Variants in MCTP2 observed in about 807,000 individuals in gnomAD.
MCTP2 encodes the protein multiple C2 and transmembrane domain containing 2.
MCTP2 carries 132 observed loss-of-function variants against 111.6 expected under a neutral mutation model. The observed-to-expected ratio is 1.18, with a 90% CI of 1.03 to 1.37. MCTP2 has a LOEUF of 1.37. Among genes scored for constraint, MCTP2 ranks in the 40% most tolerant of loss-of-function variants. The probability of loss-of-function intolerance (pLI) is 0.00; values close to 1 mark genes in which losing one functional copy is unlikely to be tolerated. For synonymous variants in MCTP2, 395 were observed against 387.7 expected (o/e 1.02, Z -0.22); for missense variants, 1,183 against 1,067.9 (o/e 1.11, Z -1.50).
chr15:94,300,105 T>C (rs2075530396), intron 2 of MCTP2, among the ~76,000 whole-genome samples: 1 of 152,190 alleles, frequency 6.6e-6, no homozygotes, highest in Non-Finnish European at 1.5e-5. Context: ...TCTTCGTCTT[T>C]TTTTTTCCTG....
At chr15:94,245,201 T>C (rs1213574598) in intron 1 of MCTP2, among the ~76,000 whole-genome samples, 2 of 143,306 alleles carry the variant, frequency 1.4e-5, no homozygotes, top group East Asian at 4.3e-4. Context: ...TATGTATGTA[T>C]ATATTTATAC....
chr15:94,298,563 G>A lies in MCTP2; in HGVS notation c.298G>A (p.Glu100Lys). Residue 100 changes from glutamate (E) to lysine (K), a missense_variant, in exon 2 of 23, where the codon GAA becomes AAA. Glu to Lys is a moderately conservative substitution (Grantham distance 56, BLOSUM62 1). Transcript: ENST00000357742. ...CAGCAGTAGCTCCTTGAAACAGTCT[G>A]AAGAAGAATTGGATTGGAGCCAGGA... Reference protein sequence around the residue: ...KSSSSSLKQSEEELDWSQEEA... With the variant: ...KSSSSSLKQSKEELDWSQEEA... The A allele has an allele frequency of 6.2e-7, 1 of 1,614,118 alleles. No homozygotes were observed. Among genetic ancestry groups the A allele is most frequent in the Non-Finnish European group, 8.5e-7 (1 of 1,180,006 alleles).
chr15:94,349,441 G>A (rs756687434), intron 8 of MCTP2, among the ~76,000 whole-genome samples: 2 of 152,138 alleles, frequency 1.3e-5, no homozygotes, highest in African/African-American at 2.4e-5. Flanking sequence ...TTGATGAGCA[G>A]GTAAGAGAAA....
intron 4 of MCTP2, among the ~76,000 whole-genome samples, chr15:94,333,885 G>C (rs375967866): frequency 7.4e-4 from 112 of 152,272 alleles, no homozygotes; most frequent in African/African-American, 2.6e-3. Flanking sequence ...TTATAGAAAT[G>C]TTCCCAAATC....
At chr15:94,416,400 G>C (rs1184127740) in intron 17 of MCTP2, among the ~76,000 whole-genome samples, 1 of 152,068 alleles carries the variant, frequency 6.6e-6, no homozygotes, top group African/African-American at 2.4e-5. Flanking sequence ...CAGATGACGG[G>C]AACAATTGCT....
At chr15:94,245,307 T>C (rs111208067) in intron 1 of MCTP2, among the ~76,000 whole-genome samples, 4 of 142,362 alleles carry the variant, frequency 2.8e-5, no homozygotes, top group African/African-American at 7.6e-5. Flanking sequence ...TTTATATACA[T>C]ATATGTACAT....
At chr15:94,279,526 G>A (rs2074374882) in intron 1 of MCTP2, among the ~76,000 whole-genome samples, 1 of 151,936 alleles carries the variant, frequency 6.6e-6, no homozygotes, top group South Asian at 2.1e-4. Flanking sequence ...GGGACTATGG[G>A]GTTTTCTAGG....
intron 17 of MCTP2, among the ~76,000 whole-genome samples, chr15:94,405,378 A>G (rs1026329616): frequency 1.3e-5 from 2 of 152,254 alleles, no homozygotes; most frequent in African/African-American, 2.4e-5. Context: ...AAAGCAAACC[A>G]TACGTTTTCC....
At chr15:94,429,135 A>G (rs375503546) in intron 17 of MCTP2, among the ~76,000 whole-genome samples, 1 of 148,114 alleles carries the variant, frequency 6.8e-6, no homozygotes, top group African/African-American at 2.5e-5. Flanking sequence ...CTATCCCCCT[A>G]CCGACGTCTA....
chr15:94,276,843 CAAAA>C (rs10538124), intron 1 of MCTP2, among the ~76,000 whole-genome samples: 22 of 130,596 alleles, frequency 1.7e-4, no homozygotes, highest in Non-Finnish European at 1.5e-4. Context: ...TAAACTAACC[CAAAA>C]AAAAAAAAAA....
chr15:94,458,965 T>C (rs1345146794), intron 20 of MCTP2, among the ~76,000 whole-genome samples: 1 of 152,204 alleles, frequency 6.6e-6, no homozygotes, highest in Non-Finnish European at 1.5e-5. Context: ...GCCACCCCCA[T>C]CTTAGGACAT....
intron 19 of MCTP2, among the ~76,000 whole-genome samples, chr15:94,453,246 C>A (rs1187831451): frequency 6.6e-6 from 1 of 152,162 alleles, no homozygotes. Context: ...TTCTCAAAGA[C>A]TAACACCAGG....
At chr15:94,320,921 T>G (rs1417264724) in intron 4 of MCTP2, among the ~76,000 whole-genome samples, 2 of 152,218 alleles carry the variant, frequency 1.3e-5, no homozygotes, top group Non-Finnish European at 2.9e-5. Context: ...TACTTGGCTT[T>G]GTGACCTCCT....
chr15:94,272,483 G>C (rs945010887), intron 1 of MCTP2, among the ~76,000 whole-genome samples: 1 of 151,860 alleles, frequency 6.6e-6, no homozygotes, highest in Non-Finnish European at 1.5e-5. Flanking sequence ...TATCTAATCT[G>C]TTACTTTCAT....
intron 4 of MCTP2, among the ~76,000 whole-genome samples, chr15:94,316,384 C>T (rs1422464318): frequency 6.6e-6 from 1 of 152,104 alleles, no homozygotes; most frequent in Non-Finnish European, 1.5e-5. Context: ...TAAGGCTAAA[C>T]CTTATATTAA....
rs1426672331 is a variant in MCTP2, at chr15:94,244,374, ATATG to A, written c.-66+12714_-66+12717del. On this transcript the variant is annotated intron_variant, in intron 1 of 22. Coordinates refer to ENST00000357742, the MANE Select transcript of MCTP2 (RefSeq NM_001385001.1). ...TACACATACATATGTATATATACGT[ATATG>A]TATACACATAAATATGTATATTTAT... is the stretch of plus-strand genomic sequence containing the variant. 4.0e-5 allele frequency among the ~76,000 whole-genome samples: 6 copies of A among 149,876 alleles called. No homozygotes were observed. The South Asian group carries it at 8.4e-4, about 21-fold the overall frequency.
At chr15:94,309,220 C>T (rs28449679) in intron 2 of MCTP2, among the ~76,000 whole-genome samples, 62 of 152,178 alleles carry the variant, frequency 4.1e-4, no homozygotes, top group African/African-American at 1.3e-3. Flanking sequence ...TTAGTGGAGC[C>T]GTCTGATTCC....
intron 1 of MCTP2, chr15:94,278,213 T>C (rs565177714): frequency 5.9e-5 from 9 of 152,134 alleles, no homozygotes; most frequent in Non-Finnish European, 1.3e-4. Context: ...AGGAACCAAT[T>C]TGAAGGACTA....
At chr15:94,312,013 GTTA>G (rs1047131145) in intron 2 of MCTP2, among the ~76,000 whole-genome samples, 2 of 152,156 alleles carry the variant, frequency 1.3e-5, no homozygotes, top group African/African-American at 4.8e-5. Context: ...AATCAAAAGT[GTTA>G]TTATCCACTT....
Sources: gnomAD v4.1 joint callset for allele counts (sites outside exome capture counted in the v4.1 genomes callset) on GRCh38, gnomAD v4.1.1 for gene constraint, MANE v1.5 for transcripts, NCBI Gene and HGNC (gene_info 2026-07-23, HGNC 2026-07-21) for gene names.